Variants in EIF4G3 observed in about 807,000 individuals in gnomAD.
EIF4G3 encodes the protein eukaryotic translation initiation factor 4 gamma 3, also known as eIF-4-gamma 3.
Under a neutral mutation model 186.4 loss-of-function variants are expected in EIF4G3, and 34 were observed. That is an observed-to-expected ratio of 0.18 (90% confidence interval 0.14 to 0.24). The LOEUF (loss-of-function observed/expected upper bound fraction) is 0.24, where lower values mean the gene tolerates loss of function less well. Ranked by LOEUF, EIF4G3 falls within the 10% of genes least tolerant of loss-of-function variation. The pLI, the probability that EIF4G3 is intolerant of heterozygous loss-of-function variation, is 1.00. For missense variants in EIF4G3, 1,536 were observed against 1,948.5 expected (o/e 0.79, Z 3.99); for synonymous variants, 673 against 679.5 (o/e 0.99, Z 0.15).
At position 21,050,972 on chromosome 1, in the gene EIF4G3, G is replaced by A. The variant is rs932584590; in HGVS notation, c.-173C>T. The A allele has an allele frequency of 2.0e-5, 14 of 717,238 alleles. No individual in the cohort carries two copies. The highest frequency in any genetic ancestry group is 7.4e-5 in the South Asian group (5 of 67,578). 44.4% of individuals were successfully genotyped at this position (717,238 alleles called of 1,614,324 possible). ...ATAAGGGGATGGGGTAGGGGTTCCC[G>A]GCTGTCTTGCCACTTGTGTTACCTG... On this transcript the variant is annotated 5_prime_UTR_variant, in exon 4 of 37. Transcript: ENST00000602326.
At chr1:21,069,300 C>A (rs1412871033) in intron 3 of EIF4G3, among the ~76,000 whole-genome samples, 1 of 152,078 alleles carries the variant, frequency 6.6e-6, no homozygotes, top group Non-Finnish European at 1.5e-5. Context: ...TAATGAGAAC[C>A]CAGAAAAACT....
At chr1:20,964,732 T>C (rs1260150081) in intron 12 of EIF4G3, among the ~76,000 whole-genome samples, 2 of 152,212 alleles carry the variant, frequency 1.3e-5, no homozygotes, top group Admixed American at 1.3e-4. Flanking sequence ...GTGTAGTTGC[T>C]TGTGAAAGAG....
intron 17 of EIF4G3, among the ~76,000 whole-genome samples, 172 bp downstream of exon 17, chr1:20,895,196 A>C (rs2087561652): frequency 6.6e-6 from 1 of 152,210 alleles, no homozygotes; most frequent in Non-Finnish European, 1.5e-5. Context: ...TGTAACCTAT[A>C]AGAAACTCAA....
At chr1:21,096,403 G>C (rs926727091) in intron 2 of EIF4G3, among the ~76,000 whole-genome samples, 1 of 152,172 alleles carries the variant, frequency 6.6e-6, no homozygotes, top group African/African-American at 2.4e-5. Flanking sequence ...GGGATGATGA[G>C]AAATTACTTA....
intron 16 of EIF4G3, 126 bp downstream of exon 16, chr1:20,899,571 C>G (rs2089607917): frequency 8.1e-7 from 1 of 1,238,448 alleles, no homozygotes; most frequent in East Asian, 2.3e-5. Flanking sequence ...GCTGATCTGT[C>G]CTGTAAATAT....
At chr1:21,139,330 C>G (rs1205590532) in intron 2 of EIF4G3, among the ~76,000 whole-genome samples, 1 of 152,082 alleles carries the variant, frequency 6.6e-6, no homozygotes, top group Non-Finnish European at 1.5e-5. Context: ...TGGCTCACAC[C>G]TGTAATCCCA....
At chr1:20,937,967 G>A (rs2095572305) in intron 14 of EIF4G3, among the ~76,000 whole-genome samples, 1 of 151,984 alleles carries the variant, frequency 6.6e-6, no homozygotes, top group Non-Finnish European at 1.5e-5. Context: ...TAATTTTACA[G>A]AGCTTGTTCT....
intron 4 of EIF4G3, among the ~76,000 whole-genome samples, chr1:21,023,751 G>A (rs910657843): frequency 2.0e-5 from 3 of 149,322 alleles, no homozygotes; most frequent in Admixed American, 2.0e-4. Flanking sequence ...CCTCTGCCTG[G>A]CTGCCCAGTC....
chr1:21,072,963 G>A lies in EIF4G3; in HGVS notation c.-196+16175C>T, dbSNP rs186416248. ...CCTTCTTAAGAACCTTTGGAGATCA[G>A]CACTATTATTATCTCCATTTTACTC... On this transcript the variant is annotated intron_variant, in intron 3 of 36. Transcript: ENST00000602326. 5.3e-5 allele frequency among the ~76,000 whole-genome samples: 8 copies of A among 152,216 alleles called. No homozygotes were observed. In the East Asian group the frequency reaches 9.7e-4, roughly 18 times the overall value.
rs115697778 is a variant in EIF4G3, at chr1:21,074,532, A to T, written c.-196+14606T>A. Among the ~76,000 whole-genome samples the T allele has an allele frequency of 5.3e-3, 807 of 152,284 alleles. 9 individuals carry two copies. The highest frequency in any genetic ancestry group is 0.019 in the African/African-American group (780 of 41,562). On this transcript the variant is annotated intron_variant, in intron 3 of 36. Transcript: ENST00000602326. ...CATTCATAAATGCTACTGGAGAAAA[A>T]AATAATAATAATTTATATACATAAA...
intron 14 of EIF4G3, among the ~76,000 whole-genome samples, chr1:20,921,792 C>A (rs1456770333): frequency 6.6e-6 from 1 of 152,224 alleles, no homozygotes; most frequent in African/African-American, 2.4e-5. Context: ...AAAACGTGCA[C>A]CTGCTTCTGC....
At chr1:20,833,710 A>G (rs561649129) in intron 30 of EIF4G3, among the ~76,000 whole-genome samples, 3 of 152,348 alleles carry the variant, frequency 2.0e-5, no homozygotes, top group East Asian at 3.9e-4. Flanking sequence ...CCACATGATT[A>G]TATCAATAGA....
At chr1:20,872,376 T>C (rs1044184839) in intron 20 of EIF4G3, among the ~76,000 whole-genome samples, 4 of 152,162 alleles carry the variant, frequency 2.6e-5, no homozygotes, top group Admixed American at 6.5e-5. Context: ...TCCTTCCATC[T>C]TGACCTCCCC....
intron 3 of EIF4G3, among the ~76,000 whole-genome samples, chr1:21,062,729 ACAGG>A (rs1186644437): frequency 1.3e-5 from 2 of 152,304 alleles, no homozygotes; most frequent in African/African-American, 4.8e-5. Flanking sequence ...AGCTGGGATT[ACAGG>A]TGCGTGCCAC....
chr1:20,875,344 C>T (rs555296999), intron 20 of EIF4G3, among the ~76,000 whole-genome samples: 1 of 152,304 alleles, frequency 6.6e-6, no homozygotes, highest in South Asian at 2.1e-4. Flanking sequence ...ATTCACTTCA[C>T]TGACATACAA....
At chr1:21,022,448 T>C (rs980454629) in intron 4 of EIF4G3, among the ~76,000 whole-genome samples, 2 of 152,202 alleles carry the variant, frequency 1.3e-5, no homozygotes, top group African/African-American at 4.8e-5. Flanking sequence ...CTGAATCATA[T>C]GAGACAGGTT....
At chr1:21,064,758 A>T (rs2154579380) in intron 3 of EIF4G3, 1 of 152,350 alleles carries the variant, frequency 6.6e-6, no homozygotes, top group Non-Finnish European at 1.5e-5. Context: ...TTAACTCCTT[A>T]CTTTTTCAAG....
chr1:21,125,369 C>A (rs2097012591), intron 2 of EIF4G3, among the ~76,000 whole-genome samples: 1 of 152,154 alleles, frequency 6.6e-6, no homozygotes, highest in Admixed American at 6.6e-5. Context: ...ATGACAACAG[C>A]CCCTAAAAGA....
intron 20 of EIF4G3, among the ~76,000 whole-genome samples, chr1:20,872,686 C>T (rs1383145239): frequency 2.0e-5 from 3 of 151,146 alleles, no homozygotes; most frequent in Non-Finnish European, 4.4e-5. Flanking sequence ...TATACAAAAG[C>T]CTCCTAGACT....
Sources: allele counts gnomAD v4.1 joint callset (sites outside exome capture counted in the v4.1 genomes callset), GRCh38; gene constraint gnomAD v4.1.1; transcripts MANE v1.5; gene names NCBI Gene and HGNC (gene_info 2026-07-23, HGNC 2026-07-21).